The following SIL1 variants were observed in gnomAD, a reference collection of about 807,000 sequenced individuals.
SIL1 encodes SIL1 nucleotide exchange factor, also known as nucleotide exchange factor SIL1.
Under a neutral mutation model 49.1 loss-of-function variants are expected in SIL1, and 40 were observed. The observed-to-expected ratio is 0.81, with a 90% CI of 0.63 to 1.06. The LOEUF (loss-of-function observed/expected upper bound fraction) is 1.06, where lower values mean the gene tolerates loss of function less well. Ranked by LOEUF, SIL1 falls within the 50% of genes least tolerant of loss-of-function variation. The pLI is 0.00. For synonymous variants in SIL1, 253 were observed against 250.8 expected, an observed-to-expected ratio of 1.01 and a Z score of -0.08; for missense variants, 500 against 572.6, an observed-to-expected ratio of 0.87 and a Z score of 1.29.
rs571700606 is a variant in SIL1 at position 139,082,370 on chromosome 5, A to G, written c.245-31324T>C. ...AGTGTGAGGGTATGCTGAGTCTGAC[A>G]GCACCTCAGGAACAACCAAATCCTG... On this transcript the variant is annotated intron_variant, in intron 3 of 9. Coordinates refer to ENST00000394817, the MANE Select transcript of SIL1 (RefSeq NM_022464.5). Among the ~76,000 whole-genome samples the G allele has an allele frequency of 2.0e-5, 3 of 152,308 alleles. No homozygotes were observed. The South Asian group carries it at 6.2e-4, about 32-fold the overall frequency.
At chr5:138,981,597 CT>C (rs1321525638) in intron 7 of SIL1, among the ~76,000 whole-genome samples, 5 of 152,180 alleles carry the variant, frequency 3.3e-5, no homozygotes, top group African/African-American at 9.7e-5. Context: ...ATATTCCCCC[CT>C]GGGATTAGAT....
intron 1 of SIL1, among the ~76,000 whole-genome samples, chr5:139,179,509 C>A (rs1293345478): frequency 6.6e-6 from 1 of 152,122 alleles, no homozygotes; most frequent in Admixed American, 6.5e-5. Context: ...TAATTAAGGC[C>A]ATTTTCCCTC....
intron 7 of SIL1, 114 bp from the exon 8 acceptor site, chr5:138,951,998 C>A (rs1276876785): frequency 2.1e-6 from 2 of 945,562 alleles, no homozygotes; most frequent in African/African-American, 3.2e-5. Context: ...AACAGAGGTT[C>A]CCACACGGGG....
intron 3 of SIL1, among the ~76,000 whole-genome samples, chr5:139,075,169 G>A (rs1769922528): frequency 6.6e-6 from 1 of 152,120 alleles, no homozygotes; most frequent in Admixed American, 6.5e-5. Context: ...CACCCATTAT[G>A]ACTGAGAAGC....
chr5:139,113,079 A>G (rs927560854), intron 3 of SIL1, among the ~76,000 whole-genome samples: 36 of 152,174 alleles, frequency 2.4e-4, no homozygotes, highest in African/African-American at 8.4e-4. Flanking sequence ...GTGCTTTGTT[A>G]AACAGATGCT....
intron 7 of SIL1, chr5:139,013,422 CTT>C (rs1427106064): frequency 6.6e-6 from 1 of 152,122 alleles, no homozygotes; most frequent in East Asian, 1.9e-4. Flanking sequence ...AGCTTTGTCT[CTT>C]GTCCCCTAAA....
intron 7 of SIL1, among the ~76,000 whole-genome samples, chr5:138,964,727 G>C (rs537030333): frequency 1.3e-5 from 2 of 152,316 alleles, no homozygotes; most frequent in Admixed American, 1.3e-4. Flanking sequence ...AATAGCAAGG[G>C]AAACAAAAGG....
intron 7 of SIL1, among the ~76,000 whole-genome samples, chr5:138,964,261 A>C (rs1456397001): frequency 6.6e-6 from 1 of 152,222 alleles, no homozygotes; most frequent in Non-Finnish European, 1.5e-5. Context: ...TCAGTTAAGA[A>C]TACCAGGGCT....
At chr5:138,968,227 A>G (rs1427911019) in intron 7 of SIL1, among the ~76,000 whole-genome samples, 1 of 152,082 alleles carries the variant, frequency 6.6e-6, no homozygotes, top group African/African-American at 2.4e-5. Flanking sequence ...TTCTGACCAC[A>G]GTGCCTCCAC....
intron 7 of SIL1, among the ~76,000 whole-genome samples, chr5:138,997,078 AT>A (rs1329605457): frequency 6.6e-6 from 1 of 152,134 alleles, no homozygotes; most frequent in East Asian, 1.9e-4. Flanking sequence ...GACTACAGGA[AT>A]GCAACACTGT....
In SIL1 at chr5:139,128,095, A is replaced by T. The variant is rs1222347476; in HGVS notation, c.-10-242T>A. On this transcript the variant is annotated intron_variant, in intron 1 of 9. Coordinates refer to ENST00000394817, the MANE Select transcript of SIL1 (RefSeq NM_022464.5). ...GTCGATCAGGACTCCTGCATAAGCT[A>T]TTACAGCCCTAGTCCCTTCCTTCTT... is the stretch of plus-strand genomic sequence containing the variant. 7.6e-6 allele frequency: 4 copies of T among 526,186 alleles called. No homozygotes were observed. In the East Asian group the frequency reaches 1.3e-4, roughly 18 times the overall value. 32.6% of individuals were successfully genotyped at this position (526,186 alleles called of 1,614,324 possible). A position where few individuals can be genotyped will look rare whatever the true frequency, so the allele number is the denominator to read the frequency against.
chr5:139,014,379 AAAAAG>A (rs1247817870), intron 7 of SIL1, among the ~76,000 whole-genome samples: 3 of 152,124 alleles, frequency 2.0e-5, no homozygotes, highest in Non-Finnish European at 4.4e-5. Context: ...AAAAAAAAAA[AAAAAG>A]AGTCAGTTTA....
At position 139,143,663 on chromosome 5, in the gene SIL1, C is replaced by T. The variant is rs116430753; in HGVS notation, c.-10-15810G>A. Among the ~76,000 whole-genome samples, 413 of 152,224 alleles carry T rather than the reference C, an allele frequency of 2.7e-3. 1 individual carries two copies. Among genetic ancestry groups the T allele is most frequent in the Non-Finnish European group, 4.3e-3 (294 of 68,026 alleles). ...CTGGGATTACGGGCATAAGCCACCA[C>T]GCCCAGCCAATGATATGATCTTATG... On this transcript the variant is annotated intron_variant, in intron 1 of 9. Transcript: ENST00000394817.
intron 7 of SIL1, among the ~76,000 whole-genome samples, chr5:138,954,491 C>T (rs1368165798): frequency 6.6e-6 from 1 of 152,230 alleles, no homozygotes; most frequent in Non-Finnish European, 1.5e-5. Flanking sequence ...CCTAAAAGGC[C>T]ACCCTGTGAA....
intron 1 of SIL1, among the ~76,000 whole-genome samples, chr5:139,192,562 G>A (rs926977240): frequency 5.9e-5 from 9 of 152,172 alleles, no homozygotes; most frequent in Admixed American, 5.9e-4. Flanking sequence ...TCTTCCCAAA[G>A]GTTCCGATGT....
intron 1 of SIL1, among the ~76,000 whole-genome samples, chr5:139,192,416 A>G (rs1194402344): frequency 1.3e-5 from 2 of 152,182 alleles, no homozygotes; most frequent in Admixed American, 6.5e-5. Context: ...GCCAGTGATG[A>G]TAAGTGGTAA....
chr5:139,040,761 A>G (rs1769031134), intron 5 of SIL1, among the ~76,000 whole-genome samples: 1 of 151,848 alleles, frequency 6.6e-6, no homozygotes, highest in African/African-American at 2.4e-5. Context: ...GTCCTCCCAA[A>G]GTGCTGCACC....
chr5:138,990,200 T>C (rs754347048), intron 7 of SIL1, among the ~76,000 whole-genome samples: 1 of 152,202 alleles, frequency 6.6e-6, no homozygotes, highest in Non-Finnish European at 1.5e-5. Flanking sequence ...GTTTTCCATC[T>C]AGACAATGAG....
At chr5:139,049,702 G>A (rs1014970954) in intron 4 of SIL1, among the ~76,000 whole-genome samples, 2 of 151,660 alleles carry the variant, frequency 1.3e-5, no homozygotes, top group Non-Finnish European at 2.9e-5. Flanking sequence ...TTGAGACAAT[G>A]AGATTGCTTG....
Sources: gnomAD v4.1 joint callset for allele counts (sites outside exome capture counted in the v4.1 genomes callset) on GRCh38, gnomAD v4.1.1 for gene constraint, MANE v1.5 for transcripts, NCBI Gene and HGNC (gene_info 2026-07-23, HGNC 2026-07-21) for gene names.